The following TMEM150A variants were observed in gnomAD, a reference collection of about 807,000 sequenced individuals.
The protein encoded by TMEM150A is transmembrane protein 150A, also known as fasting-inducible integral membrane protein TM6P1.
TMEM150A carries 18 observed loss-of-function variants against 29.8 expected under a neutral mutation model. The observed-to-expected ratio is 0.60, with a 90% CI of 0.42 to 0.90. The LOEUF is 0.90. Ranked by LOEUF, TMEM150A falls within the 40% of genes least tolerant of loss-of-function variation. The probability of loss-of-function intolerance (pLI) is 0.00; values close to 1 mark genes in which losing one functional copy is unlikely to be tolerated. For synonymous variants in TMEM150A, 127 were observed against 143.6 expected (o/e 0.88, Z 0.83); for missense variants, 251 against 349.7 (o/e 0.72, Z 2.25).
intron 4 of TMEM150A, 77 bp from the exon 5 acceptor site, chr2:85,600,489 C>T (rs1672873052): frequency 1.0e-5 from 10 of 994,404 alleles, no homozygotes; most frequent in East Asian, 7.3e-5. Flanking sequence ...ACTGGCTCTC[C>T]CCTGCTTTAC....
chr2:85,599,208 C>T lies in TMEM150A; in HGVS notation c.684G>A (p.Glu228=). 1 of 1,613,930 alleles carries T rather than the reference C, an allele frequency of 6.2e-7. No homozygotes were observed. Among genetic ancestry groups the T allele is most frequent in the South Asian group, 1.1e-5 (1 of 91,058 alleles). ...GTGTGTCTGAGGAGACTGCCCCAAA[C>T]TCGTAGCTGAAGGTGCCATAGAAAA... ...ILIFYGTFSY[E]FGAVSSDTLV... is the part of the protein sequence containing the mutation. Residue 228 remains glutamate (E), a synonymous_variant, in exon 8 of 8, where the codon GAG becomes GAA. Coordinates refer to ENST00000334462, the MANE Select transcript of TMEM150A (RefSeq NM_001031738.3). This position sits in a 1 kb window ranked among gnomAD's most constrained non-coding sequence, Gnocchi z 6.0.
Position 85,601,493 on chromosome 2 carries a change from AGAACT to A in TMEM150A, c.66-16_66-12del. 6.2e-7 allele frequency: 1 copy of A among 1,610,744 alleles called. No individual in the cohort carries two copies. Among genetic ancestry groups the A allele is most frequent in the South Asian group, 1.1e-5 (1 of 90,980 alleles). On this transcript the variant is annotated splice_polypyrimidine_tract_variant and intron_variant, in intron 2 of 7. Coordinates refer to ENST00000334462, the MANE Select transcript of TMEM150A (RefSeq NM_001031738.3). The surrounding 1 kb of genome is among the most constrained non-coding windows in gnomAD (Gnocchi z 4.0). ...ACAGCCATGGCATACCTGTGGGAAC[AGAACT>A]GTCACCCTGGCAGCCTTCCCGAGCC...
Position 85,601,764 on chromosome 2 carries a change from C to G in TMEM150A, c.65+120G>C. 8.2e-7 allele frequency: 1 copy of G among 1,216,660 alleles called. No individual in the cohort carries two copies. The highest frequency in any genetic ancestry group is 1.2e-6 in the Non-Finnish European group (1 of 842,608). The allele number at this position is 1,216,660 out of a possible 1,614,324, so 75.4% of individuals were successfully genotyped here. On this transcript the variant is annotated intron_variant, in intron 2 of 7. Transcript: ENST00000334462. The surrounding 1 kb of genome is among the most constrained non-coding windows in gnomAD (Gnocchi z 4.0). ...CCCAAGGGGCTGTGTGCCCAGGCACCAAGTCAGGCTTTTGAGACACCCAGA... is the reference window on the plus strand; with the variant it reads ...CCCAAGGGGCTGTGTGCCCAGGCACGAAGTCAGGCTTTTGAGACACCCAGA...
rs1342413173 is a variant in TMEM150A at position 85,601,176 on chromosome 2, GCCTCAAAGAGGACTCTCTCCCAGA to G, written c.114-93_114-70del. ...CCAGGCCCTTGGCCTATAGCCTCAG[GCCTCAAAGAGGACTCTCTCCCAGA>G]CCTCCCCTACAGGGACAGAAGATCC... On this transcript the variant is annotated intron_variant, in intron 3 of 7. Coordinates refer to ENST00000334462, the MANE Select transcript of TMEM150A (RefSeq NM_001031738.3). This position sits in a 1 kb window ranked among gnomAD's most constrained non-coding sequence, Gnocchi z 4.0. 8 of 1,499,342 alleles carry G rather than the reference GCCTCAAAGAGGACTCTCTCCCAGA, an allele frequency of 5.3e-6. No homozygotes were observed. Among genetic ancestry groups the G allele is most frequent in the Non-Finnish European group, 7.3e-6 (8 of 1,088,594 alleles). 92.9% of individuals were successfully genotyped at this position (1,499,342 alleles called of 1,614,324 possible). A position where few individuals can be genotyped will look rare whatever the true frequency, so the allele number is the denominator to read the frequency against.
In TMEM150A at chr2:85,601,197, C is replaced by G; in HGVS notation, c.114-90G>C. Reference sequence around the variant, plus strand: ...TCAGGCCTCAAAGAGGACTCTCTCCCAGACCTCCCCTACAGGGACAGAAGA... The same window carrying G: ...TCAGGCCTCAAAGAGGACTCTCTCCGAGACCTCCCCTACAGGGACAGAAGA... On this transcript the variant is annotated intron_variant, in intron 3 of 7. Coordinates refer to ENST00000334462, the MANE Select transcript of TMEM150A (RefSeq NM_001031738.3). This position sits in a 1 kb window ranked among gnomAD's most constrained non-coding sequence, Gnocchi z 4.0. The G allele has an allele frequency of 7.3e-7, 1 of 1,374,292 alleles. No homozygotes were observed. Among genetic ancestry groups the G allele is most frequent in the Non-Finnish European group, 1.0e-6 (1 of 978,962 alleles). 85.1% of individuals were successfully genotyped at this position (1,374,292 alleles called of 1,614,324 possible). A position where few individuals can be genotyped will look rare whatever the true frequency, so the allele number is the denominator to read the frequency against.
chr2:85,599,709 C>T lies in TMEM150A; in HGVS notation c.397-7G>A. 6.2e-7 allele frequency: 1 copy of T among 1,610,806 alleles called. No individual in the cohort carries two copies. Among genetic ancestry groups the T allele is most frequent in the Non-Finnish European group, 8.5e-7 (1 of 1,178,804 alleles). ...GAGACCTGGCATGATCCACCTGGGCCCAGAGAAGGGCCAGTTGGTGATGTG... is the reference window on the plus strand; with the variant it reads ...GAGACCTGGCATGATCCACCTGGGCTCAGAGAAGGGCCAGTTGGTGATGTG... On this transcript the variant is annotated splice_polypyrimidine_tract_variant and splice_region_variant and intron_variant, in intron 6 of 7. Transcript: ENST00000334462. This position sits in a 1 kb window ranked among gnomAD's most constrained non-coding sequence, Gnocchi z 6.0.
chr2:85,599,671 C>T lies in TMEM150A; in HGVS notation c.428G>A (p.Gly143Glu). Residue 143 changes from glycine to glutamate, a missense_variant, in exon 7 of 8, where the codon GGA becomes GAA. Transcript: ENST00000334462. The surrounding 1 kb of genome is among the most constrained non-coding windows in gnomAD (Gnocchi z 6.0). ...VDHARSLHYV[G>E]AGVAFPAGLL... Reference sequence around the variant, plus strand: ...CCCCGCAGGGAAGGCCACGCCAGCTCCAACGTAGTGCAGAGACCTGGCATG... The same window carrying T: ...CCCCGCAGGGAAGGCCACGCCAGCTTCAACGTAGTGCAGAGACCTGGCATG... 1 of 1,613,550 alleles carries T rather than the reference C, an allele frequency of 6.2e-7. No homozygotes were observed. The highest frequency in any genetic ancestry group is 1.1e-5 in the South Asian group (1 of 91,076).
rs1672825775 is a variant in TMEM150A at position 85,599,781 on chromosome 2, C to T, written c.397-79G>A. The stretch of plus-strand genomic sequence containing the variant: ...CCCTCCTTCAATGAATCTCCTCTCT[C>T]CCTCTTCCTTCCTCTCCCTCTTTCC... On this transcript the variant is annotated intron_variant, in intron 6 of 7. Transcript: ENST00000334462. This position sits in a 1 kb window ranked among gnomAD's most constrained non-coding sequence, Gnocchi z 6.0. 6.3e-7 allele frequency: 1 copy of T among 1,597,040 alleles called. No individual in the cohort carries two copies. Among genetic ancestry groups the T allele is most frequent in the African/African-American group, 1.3e-5 (1 of 74,622 alleles).
At position 85,599,009 on chromosome 2, in the gene TMEM150A, G is replaced by T; in HGVS notation, c.*67C>A. ...ACTTTCTCAAAATTGTTTTTGGTAC[G>T]AAATAAATGGAAAGAAGATATGGGG... On this transcript the variant is annotated 3_prime_UTR_variant, in exon 8 of 8. Coordinates refer to ENST00000334462, the MANE Select transcript of TMEM150A (RefSeq NM_001031738.3). This position sits in a 1 kb window ranked among gnomAD's most constrained non-coding sequence, Gnocchi z 6.0. The T allele has an allele frequency of 6.4e-7, 1 of 1,568,562 alleles. No homozygotes were observed. Among genetic ancestry groups the T allele is most frequent in the South Asian group, 1.1e-5 (1 of 88,292 alleles).
In TMEM150A at chr2:85,600,684, T is replaced by C. The variant is rs1181614363; in HGVS notation, c.201-272A>G. 9 of 553,470 alleles carry C rather than the reference T, an allele frequency of 1.6e-5. No homozygotes were observed. In the Admixed American group the frequency reaches 2.9e-4, roughly 18 times the overall value. 34.3% of individuals were successfully genotyped at this position (553,470 alleles called of 1,614,324 possible). ...AGCCCTGCGGCTGGTTTGGCTATCC[T>C]TGAGCCAGAACACGGGCTGGGCAAT... On this transcript the variant is annotated intron_variant, in intron 4 of 7. Coordinates refer to ENST00000334462, the MANE Select transcript of TMEM150A (RefSeq NM_001031738.3).
Position 85,599,048 on chromosome 2 carries a change from A to G in TMEM150A, c.*28T>C. Reference sequence around the variant, plus strand: ...GAAGATATGGGGTGGGGTGCTGTGGAGGCCGGGCCAGCCACCCTCCCCAGA... The same window carrying G: ...GAAGATATGGGGTGGGGTGCTGTGGGGGCCGGGCCAGCCACCCTCCCCAGA... On this transcript the variant is annotated 3_prime_UTR_variant, in exon 8 of 8. Coordinates refer to ENST00000334462, the MANE Select transcript of TMEM150A (RefSeq NM_001031738.3). This position sits in a 1 kb window ranked among gnomAD's most constrained non-coding sequence, Gnocchi z 6.0. The G allele has an allele frequency of 6.3e-7, 1 of 1,599,306 alleles. No homozygotes were observed. Among genetic ancestry groups the G allele is most frequent in the Non-Finnish European group, 8.6e-7 (1 of 1,169,346 alleles).
rs756212848 is a variant in TMEM150A, at chr2:85,601,879, C to T, written c.65+5G>A. On this transcript the variant is annotated splice_donor_5th_base_variant and intron_variant, in intron 2 of 7. Coordinates refer to ENST00000334462, the MANE Select transcript of TMEM150A (RefSeq NM_001031738.3). This position sits in a 1 kb window ranked among gnomAD's most constrained non-coding sequence, Gnocchi z 4.0. ...GTTGCCCCCCGGGCACCCCCCTTTA[C>T]TCACACAGTCCATATGCCAGTGATG... The T allele has an allele frequency of 6.2e-7, 1 of 1,613,874 alleles. No individual in the cohort carries two copies. The highest frequency in any genetic ancestry group is 8.5e-7 in the Non-Finnish European group (1 of 1,179,838).
Position 85,601,688 on chromosome 2 carries a change from G to GCAGGGTGGCCCTGAC in TMEM150A, c.65+195_65+196insGTCAGGGCCACCCTG. ...GGCCCTCTGGAAATTGCCCTGGCTA[G>GCAGGGTGGCCCTGAC]AAGTATATTTGTCAGGGCCACCCTG... On this transcript the variant is annotated intron_variant, in intron 2 of 7. Transcript: ENST00000334462. The surrounding 1 kb of genome is among the most constrained non-coding windows in gnomAD (Gnocchi z 4.0). The GCAGGGTGGCCCTGAC allele has an allele frequency of 1.2e-6, 1 of 863,958 alleles. No individual in the cohort carries two copies. Among genetic ancestry groups the GCAGGGTGGCCCTGAC allele is most frequent in the African/African-American group, 1.7e-5 (1 of 59,202 alleles). 53.5% of individuals were successfully genotyped at this position (863,958 alleles called of 1,614,324 possible).
In TMEM150A at chr2:85,601,657, G is replaced by C; in HGVS notation, c.66-175C>G. The C allele has an allele frequency of 1.2e-6, 1 of 838,910 alleles. No individual in the cohort carries two copies. Among genetic ancestry groups the C allele is most frequent in the Admixed American group, 2.5e-5 (1 of 39,820 alleles). 52.0% of individuals were successfully genotyped at this position (838,910 alleles called of 1,614,324 possible). On this transcript the variant is annotated intron_variant, in intron 2 of 7. Coordinates refer to ENST00000334462, the MANE Select transcript of TMEM150A (RefSeq NM_001031738.3). The surrounding 1 kb of genome is among the most constrained non-coding windows in gnomAD (Gnocchi z 4.0). ...CACCAGCACCTGCAGCATGCCCCCAGCTACAGGCCCTCTGGAAATTGCCCT... is the reference window on the plus strand; with the variant it reads ...CACCAGCACCTGCAGCATGCCCCCACCTACAGGCCCTCTGGAAATTGCCCT...
At chr2:85,600,778 G>A in intron 4 of TMEM150A, 1 of 555,030 alleles carries the variant, frequency 1.8e-6, no homozygotes, top group Non-Finnish European at 3.2e-6. Flanking sequence ...GGAAGACTGA[G>A]CCTGTTTCCT....
At position 85,599,394 on chromosome 2, in the gene TMEM150A, C is replaced by T; in HGVS notation, c.575-77G>A. On this transcript the variant is annotated intron_variant, in intron 7 of 7. Coordinates refer to ENST00000334462, the MANE Select transcript of TMEM150A (RefSeq NM_001031738.3). This position sits in a 1 kb window ranked among gnomAD's most constrained non-coding sequence, Gnocchi z 6.0. Reference sequence around the variant, plus strand: ...ACCCCTTCTGCAGTCTCAGGCCTCACCTCTCCAAAGGGAGAGGTGTTAGTC... The same window carrying T: ...ACCCCTTCTGCAGTCTCAGGCCTCATCTCTCCAAAGGGAGAGGTGTTAGTC... The T allele has an allele frequency of 6.3e-7, 1 of 1,591,154 alleles. No individual in the cohort carries two copies. Among genetic ancestry groups the T allele is most frequent in the Non-Finnish European group, 8.6e-7 (1 of 1,167,022 alleles).
intron 5 of TMEM150A, 29 bp downstream of exon 5, chr2:85,600,316 G>A (rs369722539): frequency 3.8e-5 from 62 of 1,611,918 alleles, no homozygotes; most frequent in Middle Eastern, 1.6e-4. Context: ...GGCTGGGCAC[G>A]CAGGGTCAGG....
intron 4 of TMEM150A, chr2:85,600,629 G>A (rs1672882186): frequency 1.7e-6 from 1 of 587,576 alleles, no homozygotes; most frequent in African/African-American, 1.9e-5. Flanking sequence ...GTGCCCAGGA[G>A]TGTTCGGGCA....
chr2:85,600,167 G>A (rs909151278), intron 5 of TMEM150A, 149 bp from the exon 6 acceptor site: 14 of 1,322,268 alleles, frequency 1.1e-5, no homozygotes, highest in African/African-American at 1.5e-5. Context: ...GTTTCCTCAG[G>A]CTCCAGCCAG....
Sources: allele counts gnomAD v4.1 joint callset, GRCh38; gene constraint gnomAD v4.1.1; non-coding constraint Gnocchi (gnomAD v3.1); transcripts MANE v1.5; gene names NCBI Gene and HGNC (gene_info 2026-07-23, HGNC 2026-07-21).